The following PAM variants were observed in gnomAD, a reference collection of about 807,000 sequenced individuals.
PAM encodes the protein peptidylglycine alpha-amidating monooxygenase.
In PAM, 72 loss-of-function variants were observed where a neutral mutation model predicts 122.1. The observed-to-expected ratio is 0.59, with a 90% confidence interval of 0.49 to 0.72. PAM has a LOEUF of 0.72. Ranked by LOEUF, PAM falls within the 30% of genes least tolerant of loss-of-function variation. The probability of loss-of-function intolerance (pLI) is 0.00; values close to 1 mark genes in which losing one functional copy is unlikely to be tolerated. For synonymous variants in PAM, 389 were observed against 404.4 expected, an observed-to-expected ratio of 0.96 and a Z score of 0.46; for missense variants, 1,106 against 1,183.7, an observed-to-expected ratio of 0.93 and a Z score of 0.96.
intron 5 of PAM, among the ~76,000 whole-genome samples, chr5:102,916,762 T>C (rs1195350748): frequency 6.7e-6 from 1 of 149,314 alleles, no homozygotes; most frequent in Non-Finnish European, 1.5e-5. Context: ...TGACTGAGTC[T>C]CACTCAGTCA....
At chr5:103,028,601 G>C (rs913696667) in intron 25 of PAM, among the ~76,000 whole-genome samples, 1 of 152,200 alleles carries the variant, frequency 6.6e-6, no homozygotes, top group African/African-American at 2.4e-5. Context: ...CTGCTCCAGG[G>C]AGGCTAGTTC....
intron 1 of PAM, among the ~76,000 whole-genome samples, chr5:102,843,930 T>C (rs917951934): frequency 5.9e-5 from 9 of 152,154 alleles, no homozygotes; most frequent in African/African-American, 1.9e-4. Flanking sequence ...TACAACAATG[T>C]TGGAAAAAAG....
chr5:102,936,102 A>T (rs2151848936), intron 7 of PAM, among the ~76,000 whole-genome samples: 1 of 152,220 alleles, frequency 6.6e-6, no homozygotes, highest in East Asian at 1.9e-4. Flanking sequence ...ACTTGAGGGT[A>T]TTTGCATCTG....
chr5:102,803,084 T>C (rs1330664286), intron 1 of PAM, among the ~76,000 whole-genome samples: 1 of 149,734 alleles, frequency 6.7e-6, no homozygotes, highest in Non-Finnish European at 1.5e-5. Context: ...AATAGTGCCA[T>C]TGCACTCCAG....
At position 102,867,358 on chromosome 5, in the gene PAM, T is replaced by C. The variant is rs766256728; in HGVS notation, c.175T>C (p.Leu59=). Residue 59 remains leucine, a synonymous_variant, in exon 3 of 26, where the codon TTG becomes CTG. Transcript: ENST00000438793. The part of the protein sequence containing the change: ...VVPIDSSDFA[L]DIRMPGVTPK... ...TCCTATTGATTCATCAGATTTTGCA[T>C]TGGATATTCGCATGCCTGGGGTTAC... 9 of 1,609,650 alleles carry C rather than the reference T, an allele frequency of 5.6e-6. No individual in the cohort carries two copies. Among genetic ancestry groups the C allele is most frequent in the East Asian group, 4.5e-5 (2 of 44,798 alleles).
At chr5:102,939,232 C>A (rs1754276684) in intron 7 of PAM, among the ~76,000 whole-genome samples, 1 of 152,112 alleles carries the variant, frequency 6.6e-6, no homozygotes, top group Admixed American at 6.6e-5. Flanking sequence ...TTATTCTTTT[C>A]ATCCAGTTTG....
At chr5:103,018,124 A>G (rs1011914579) in intron 22 of PAM, among the ~76,000 whole-genome samples, 1 of 152,196 alleles carries the variant, frequency 6.6e-6, no homozygotes, top group Non-Finnish European at 1.5e-5. Flanking sequence ...ATAGGACACA[A>G]ACAACTTCAA....
At chr5:102,951,540 C>T (rs1040261109) in intron 12 of PAM, among the ~76,000 whole-genome samples, 2 of 151,946 alleles carry the variant, frequency 1.3e-5, no homozygotes, top group African/African-American at 4.8e-5. Flanking sequence ...GAGTTTTAAA[C>T]CATTTATGTC....
At chr5:102,759,040 T>G (rs1347677201) in intron 1 of PAM, among the ~76,000 whole-genome samples, 2 of 152,206 alleles carry the variant, frequency 1.3e-5, no homozygotes, top group Non-Finnish European at 2.9e-5. Context: ...TACAAGACAG[T>G]TATAGTCACT....
chr5:102,985,076 C>A (rs1771305277), intron 15 of PAM, among the ~76,000 whole-genome samples: 1 of 151,582 alleles, frequency 6.6e-6, no homozygotes, highest in Non-Finnish European at 1.5e-5. Flanking sequence ...TGGAATATAG[C>A]AAAAGCAGTG....
intron 1 of PAM, among the ~76,000 whole-genome samples, chr5:102,834,836 G>T (rs1438127127): frequency 6.6e-6 from 1 of 152,032 alleles, no homozygotes; most frequent in Non-Finnish European, 1.5e-5. Flanking sequence ...CCTTTTGACT[G>T]CTGTGTATTG....
chr5:102,871,543 T>A (rs1332583608), intron 3 of PAM, among the ~76,000 whole-genome samples: 4 of 151,710 alleles, frequency 2.6e-5, no homozygotes, highest in South Asian at 4.1e-4. Context: ...CATAAGTAGT[T>A]GTTTTCATTA....
At chr5:102,842,205 A>AATATATATATATATAT (rs71226933) in intron 1 of PAM, among the ~76,000 whole-genome samples, 101 of 143,042 alleles carry the variant, frequency 7.1e-4, no homozygotes, top group African/African-American at 2.5e-3. Context: ...ATACAACCTA[A>AATATATATATATATAT]ATATATATAT....
chr5:102,814,940 A>C (rs1397128325), intron 1 of PAM, among the ~76,000 whole-genome samples: 1 of 151,862 alleles, frequency 6.6e-6, no homozygotes, highest in Non-Finnish European at 1.5e-5. Flanking sequence ...CCATGTGTGC[A>C]GCACACATGC....
intron 5 of PAM, among the ~76,000 whole-genome samples, chr5:102,920,729 T>C (rs1026674872): frequency 6.6e-6 from 1 of 152,126 alleles, no homozygotes; most frequent in Non-Finnish European, 1.5e-5. Flanking sequence ...TGGTTGTGGT[T>C]CTGTTAGATA....
chr5:103,004,388 G>A (rs1333210122), intron 17 of PAM, among the ~76,000 whole-genome samples: 1 of 152,088 alleles, frequency 6.6e-6, no homozygotes, highest in Non-Finnish European at 1.5e-5. Context: ...ATCTAGTTCA[G>A]CTAATTAGTC....
chr5:102,880,973 T>C (rs1249128212), intron 3 of PAM, among the ~76,000 whole-genome samples: 1 of 152,196 alleles, frequency 6.6e-6, no homozygotes, highest in African/African-American at 2.4e-5. Context: ...TTTTAGACAC[T>C]GTTATGTGCA....
chr5:102,794,867 G>A (rs140612991), intron 1 of PAM, among the ~76,000 whole-genome samples: 76 of 152,184 alleles, frequency 5.0e-4, no homozygotes, highest in African/African-American at 1.8e-3. Flanking sequence ...TTAGCTGGTT[G>A]CTCCAAAGAG....
intron 1 of PAM, among the ~76,000 whole-genome samples, chr5:102,852,261 T>A (rs1580941414): frequency 6.6e-6 from 1 of 152,234 alleles, no homozygotes; most frequent in East Asian, 1.9e-4. Context: ...GGACTACTGA[T>A]TATTTTAAAG....
Sources: gnomAD v4.1 joint callset for allele counts (sites outside exome capture counted in the v4.1 genomes callset) on GRCh38, gnomAD v4.1.1 for gene constraint, MANE v1.5 for transcripts, NCBI Gene and HGNC (gene_info 2026-07-23, HGNC 2026-07-21) for gene names.